Variants in ADGRG6 observed in about 807,000 individuals in gnomAD.
ADGRG6 encodes adhesion G protein-coupled receptor G6, also known as G-protein coupled receptor 126.
A neutral mutation model predicts 142.4 loss-of-function variants in ADGRG6; 84 were observed. The observed-to-expected ratio is 0.59, with a 90% CI of 0.49 to 0.71. The LOEUF is 0.71. Among genes scored for constraint, ADGRG6 ranks in the 30% least tolerant of loss-of-function variants. The probability of loss-of-function intolerance (pLI) is 0.00; values close to 1 mark genes in which losing one functional copy is unlikely to be tolerated. For synonymous variants in ADGRG6, 521 were observed against 520.5 expected (o/e 1.00, Z -0.01); for missense variants, 1,367 against 1,466.6 (o/e 0.93, Z 1.11).
At chr6:142,435,519 C>G (rs1029910262) in intron 22 of ADGRG6, among the ~76,000 whole-genome samples, 1 of 151,506 alleles carries the variant, frequency 6.6e-6, no homozygotes, top group African/African-American at 2.4e-5. Flanking sequence ...TCCACGTCTC[C>G]AAACACATTT....
In ADGRG6 at chr6:142,382,030, C is replaced by T. The variant is rs1416530007; in HGVS notation, c.1138+11C>T. The T allele has an allele frequency of 1.3e-6, 2 of 1,547,670 alleles. No individual in the cohort carries two copies. The highest frequency in any genetic ancestry group is 1.8e-6 in the Non-Finnish European group (2 of 1,126,920). On this transcript the variant is annotated intron_variant, in intron 5 of 24. Coordinates refer to ENST00000367609, the MANE Select transcript of ADGRG6 (RefSeq NM_198569.3). ...GGACCCTCTGTCAAGGTAGGGAGCC[C>T]ACACCGTGCTCTGGAATCTCTTTGC... is the stretch of plus-strand genomic sequence containing the variant.
chr6:142,377,345 G>A (rs1228385356), intron 4 of ADGRG6, among the ~76,000 whole-genome samples: 2 of 152,204 alleles, frequency 1.3e-5, no homozygotes, highest in Admixed American at 1.3e-4. Context: ...ACAGGAGCTG[G>A]AGAGAGCAGC....
chr6:142,318,006 A>ATTTATATTATATATTTATATATTATAT (rs1562306660), intron 2 of ADGRG6, among the ~76,000 whole-genome samples: 1 of 43,698 alleles, frequency 2.3e-5, no homozygotes, highest in African/African-American at 1.1e-4. Context: ...TATTATATAT[A>ATTTATATTATATATTTATATATTATAT]ATATTTATGT....
chr6:142,396,858 T>C (rs1170174298), intron 9 of ADGRG6, among the ~76,000 whole-genome samples: 1 of 152,182 alleles, frequency 6.6e-6, no homozygotes, highest in Non-Finnish European at 1.5e-5. Context: ...GCTGTGATTG[T>C]AGTGGAACAG....
chr6:142,404,064 C>A lies in ADGRG6; in HGVS notation c.2127+91C>A, dbSNP rs1257945392. On this transcript the variant is annotated intron_variant, in intron 14 of 24. Coordinates refer to ENST00000367609, the MANE Select transcript of ADGRG6 (RefSeq NM_198569.3). Reference sequence around the variant, plus strand: ...TTAGCAGTTGCTGCTTCCAAGAGGTCTTGGTCCATGAAGTGGCAAGGTCTG... The same window carrying A: ...TTAGCAGTTGCTGCTTCCAAGAGGTATTGGTCCATGAAGTGGCAAGGTCTG... The A allele has an allele frequency of 2.7e-5, 26 of 952,724 alleles. No individual in the cohort carries two copies. The East Asian group carries it at 5.8e-4, about 21-fold the overall frequency. 59.0% of individuals were successfully genotyped at this position (952,724 alleles called of 1,614,324 possible).
intron 24 of ADGRG6, among the ~76,000 whole-genome samples, chr6:142,442,876 C>A (rs1343838624): frequency 6.6e-6 from 1 of 151,958 alleles, no homozygotes; most frequent in Non-Finnish European, 1.5e-5. Flanking sequence ...TATTATAAAG[C>A]CCCTTGTAAC....
chr6:142,402,707 A>G lies in ADGRG6; in HGVS notation c.1832A>G (p.Glu611Gly). The part of the protein sequence containing the change: ...LTSANITNIV[E>G]QVKRIVNKEE... ...TCAGCCAATATTACCAACATTGTGG[A>G]ACAGGTCAAAAGAATTGTGAATAAA... The change falls in exon 13 of 25, where the codon GAA becomes GGA. Residue 611 changes from glutamate to glycine, a missense_variant. Around this residue, in one of 3 missense-constraint regions of ADGRG6, gnomAD observed 737 missense variants for 746.5 expected, o/e 0.99. Transcript: ENST00000367609. The G allele has an allele frequency of 1.2e-6, 2 of 1,606,048 alleles. No homozygotes were observed. Among genetic ancestry groups the G allele is most frequent in the Non-Finnish European group, 1.7e-6 (2 of 1,173,280 alleles).
intron 6 of ADGRG6, among the ~76,000 whole-genome samples, chr6:142,386,552 A>G (rs1782034339): frequency 6.6e-6 from 1 of 152,182 alleles, no homozygotes; most frequent in Admixed American, 6.5e-5. Context: ...ATTTTTGCAC[A>G]ATGAAAATTG....
At chr6:142,411,493 A>G (rs532843419) in intron 18 of ADGRG6, 82 bp downstream of exon 18, 2 of 767,964 alleles carry the variant, frequency 2.6e-6, no homozygotes, top group East Asian at 2.5e-5. Context: ...TTTTTAGATT[A>G]TGTATTTTGG....
intron 10 of ADGRG6, among the ~76,000 whole-genome samples, chr6:142,399,268 C>T (rs1167517313): frequency 6.6e-6 from 1 of 152,152 alleles, no homozygotes; most frequent in South Asian, 2.1e-4. Flanking sequence ...CAGGCATCTC[C>T]ACTTCTGTGA....
intron 6 of ADGRG6, among the ~76,000 whole-genome samples, chr6:142,384,161 C>T (rs984432136): frequency 3.9e-5 from 6 of 151,944 alleles, no homozygotes; most frequent in African/African-American, 1.4e-4. Flanking sequence ...CAGAGAAAAA[C>T]GTATTTCCAT....
intron 2 of ADGRG6, among the ~76,000 whole-genome samples, chr6:142,366,181 A>G (rs1780933983): frequency 6.6e-6 from 1 of 152,228 alleles, no homozygotes; most frequent in Non-Finnish European, 1.5e-5. Flanking sequence ...AACTGTTCTC[A>G]TTAGTGAAAA....
chr6:142,379,271 A>AT (rs1781641830), intron 4 of ADGRG6, among the ~76,000 whole-genome samples: 1 of 152,144 alleles, frequency 6.6e-6, no homozygotes, highest in Non-Finnish European at 1.5e-5. Context: ...TAGTTGCTAA[A>AT]TGTTATGCAT....
intron 15 of ADGRG6, among the ~76,000 whole-genome samples, chr6:142,406,312 A>C (rs928430978): frequency 6.6e-6 from 1 of 152,168 alleles, no homozygotes; most frequent in African/African-American, 2.4e-5. Flanking sequence ...TCCGCAGAGT[A>C]AGATGGAATT....
rs1181380167 is a variant in ADGRG6 at position 142,367,930 on chromosome 6, C to T, written c.445+20C>T. 5.1e-6 allele frequency: 7 copies of T among 1,365,530 alleles called. No individual in the cohort carries two copies. The highest frequency in any genetic ancestry group is 1.8e-4 in the Middle Eastern group (1 of 5,528). 84.6% of individuals were successfully genotyped at this position (1,365,530 alleles called of 1,614,324 possible). A position where few individuals can be genotyped will look rare whatever the true frequency, so the allele number is the denominator to read the frequency against. ...TCAGAGGTATGTAAACCAAAGGCAACGCCAACCTTCTGCTTTTATTTAACA... is the reference window on the plus strand; with the variant it reads ...TCAGAGGTATGTAAACCAAAGGCAATGCCAACCTTCTGCTTTTATTTAACA... On this transcript the variant is annotated intron_variant, in intron 3 of 24. Coordinates refer to ENST00000367609, the MANE Select transcript of ADGRG6 (RefSeq NM_198569.3).
At chr6:142,318,278 T>C (rs1324178041) in intron 2 of ADGRG6, among the ~76,000 whole-genome samples, 2 of 60,580 alleles carry the variant, frequency 3.3e-5, no homozygotes, top group African/African-American at 1.1e-4. Flanking sequence ...ATATTTATAT[T>C]ATATATATTT....
intron 2 of ADGRG6, among the ~76,000 whole-genome samples, chr6:142,335,996 A>G (rs895478406): frequency 2.0e-5 from 3 of 152,158 alleles, no homozygotes; most frequent in Admixed American, 2.0e-4. Flanking sequence ...GTGGCCATAT[A>G]ATTTTGTAAA....
At chr6:142,367,196 G>C (rs541798816) in intron 2 of ADGRG6, among the ~76,000 whole-genome samples, 1 of 152,174 alleles carries the variant, frequency 6.6e-6, no homozygotes, top group South Asian at 2.1e-4. Flanking sequence ...TTCTTAACCT[G>C]GGTCAGTGAA....
At chr6:142,433,440 G>T (rs1252192491) in intron 22 of ADGRG6, among the ~76,000 whole-genome samples, 2 of 152,172 alleles carry the variant, frequency 1.3e-5, no homozygotes, top group East Asian at 3.9e-4. Context: ...AATGTGGTAG[G>T]TATGGAAAGG....
Sources: gnomAD v4.1 joint callset for allele counts (sites outside exome capture counted in the v4.1 genomes callset) on GRCh38, gnomAD v4.1.1 for gene constraint, gnomAD v4.1.1 regional missense constraint, MANE v1.5 for transcripts, NCBI Gene and HGNC (gene_info 2026-07-23, HGNC 2026-07-21) for gene names.